Variants in ELN observed in about 807,000 individuals in gnomAD.
ELN encodes the protein tropoelastin.
ELN carries 65 observed loss-of-function variants against 105.8 expected under a neutral mutation model. The observed-to-expected ratio is 0.61, with a 90% CI of 0.50 to 0.75. The LOEUF (loss-of-function observed/expected upper bound fraction) is 0.75. ELN is among the 30% of genes least tolerant of loss of function. The pLI is 0.00. For synonymous variants in ELN, 368 were observed against 389.2 expected (o/e 0.95, Z 0.64); for missense variants, 882 against 969.4 (o/e 0.91, Z 1.20).
intron 1 of ELN, among the ~76,000 whole-genome samples, chr7:74,028,585 G>T (rs931142227): frequency 2.0e-5 from 3 of 152,190 alleles, no homozygotes; most frequent in Non-Finnish European, 4.4e-5. Flanking sequence ...AGAGCATCCT[G>T]GGGGAGGGCC....
intron 17 of ELN, chr7:74,052,383 G>C (rs1794231151): frequency 7.4e-6 from 2 of 268,616 alleles, no homozygotes; most frequent in Non-Finnish European, 1.5e-5. Flanking sequence ...AGGAGTTTGA[G>C]ACCAGCCTGA....
In ELN at chr7:74,042,618, C is replaced by G. The variant is rs1025483306; in HGVS notation, c.237C>G (p.Leu79=). The G allele has an allele frequency of 6.2e-7, 1 of 1,613,184 alleles. No homozygotes were observed. Among genetic ancestry groups the G allele is most frequent in the Non-Finnish European group, 8.5e-7 (1 of 1,179,988 alleles). The change falls in exon 6 of 33, where the codon CTC becomes CTG. Residue 79 remains leucine, a synonymous_variant. Coordinates refer to ENST00000252034, the MANE Select transcript of ELN (RefSeq NM_000501.4). The part of the protein sequence containing the change: ...GLAGAGLGAG[L]GAFPAVTFPG... ...ACCCCATCCTCCCCTCCGCAGGGCT[C>G]GGCGCCTTCCCCGCAGTTACCTTTC... is the stretch of plus-strand genomic sequence containing the variant.
At position 74,043,159 on chromosome 7, in the gene ELN, A is replaced by C. The variant is rs782142918; in HGVS notation, c.418A>C (p.Lys140Gln). The C allele has an allele frequency of 6.2e-7, 1 of 1,602,258 alleles. No homozygotes were observed. Among genetic ancestry groups the C allele is most frequent in the South Asian group, 1.1e-5 (1 of 89,740 alleles). The change falls in exon 8 of 33, where the codon AAA (lysine) becomes CAA (glutamine). Residue 140 changes from lysine to glutamine, a missense_variant. Transcript: ENST00000252034. ...PQPGAGVKPG[K>Q]VPGVGLPGVY... is the part of the protein sequence containing the mutation. ...GCCTGGAGCCGGAGTGAAGCCTGGG[A>C]AAGTGCCGGGTCAGTGCGGAATCCC...
rs1792440558 is a variant in ELN, at chr7:74,046,097, T to C, written c.542-91T>C. 23 of 1,553,680 alleles carry C rather than the reference T, an allele frequency of 1.5e-5. No individual in the cohort carries two copies. In the South Asian group the frequency reaches 2.0e-4, roughly 14 times the overall value. The stretch of plus-strand genomic sequence containing the variant: ...ATGCGATGACTGGTCTGGGAAGAAC[T>C]GGCCATTCCTTGGGCCTCCTGGCCC... On this transcript the variant is annotated intron_variant, in intron 10 of 32. Coordinates refer to ENST00000252034, the MANE Select transcript of ELN (RefSeq NM_000501.4).
At chr7:74,066,647 G>A in intron 31 of ELN, 85 bp from the exon 32 acceptor site, 5 of 1,341,172 alleles carry the variant, frequency 3.7e-6, no homozygotes, top group Non-Finnish European at 5.4e-6. Flanking sequence ...CAGAGGTCTT[G>A]GGTGAGCCAG....
chr7:74,061,204 TG>T, intron 26 of ELN, 65 bp downstream of exon 26: 1 of 1,604,920 alleles, frequency 6.2e-7, no homozygotes. Flanking sequence ...AGCACAGGAC[TG>T]GGGTGGTCAC....
chr7:74,037,846 C>A, intron 4 of ELN, 107 bp downstream of exon 4: 1 of 1,503,926 alleles, frequency 6.6e-7, no homozygotes, highest in Non-Finnish European at 9.1e-7. Flanking sequence ...GACAAGGAAG[C>A]CAACGGGCAG....
chr7:74,037,633 C>T (rs1222103661), intron 3 of ELN, 74 bp from the exon 4 acceptor site: 21 of 1,572,354 alleles, frequency 1.3e-5, no homozygotes, highest in South Asian at 3.5e-5. Context: ...ACACTTTGCC[C>T]GGGTTGGGGG....
intron 5 of ELN, among the ~76,000 whole-genome samples, chr7:74,041,775 G>A (rs1473022538): frequency 2.0e-5 from 3 of 152,048 alleles, no homozygotes; most frequent in Non-Finnish European, 2.9e-5. Flanking sequence ...CAGTGGCTCA[G>A]TCTCAGCTCC....
rs1797268929 is a variant in ELN, at chr7:74,063,791, C to G, written c.1993+96C>G. 6.5e-7 allele frequency: 1 copy of G among 1,543,576 alleles called. No individual in the cohort carries two copies. Among genetic ancestry groups the G allele is most frequent in the African/African-American group, 1.4e-5 (1 of 73,518 alleles). On this transcript the variant is annotated intron_variant, in intron 29 of 32. Coordinates refer to ENST00000252034, the MANE Select transcript of ELN (RefSeq NM_000501.4). This position sits in a 1 kb window ranked among gnomAD's most constrained non-coding sequence, Gnocchi z 4.1. ...GAGACAGAGACTTTCGTTCCCACCCCTGGCACGTCTTTGCTCAAGATGTCC... is the reference window on the plus strand; with the variant it reads ...GAGACAGAGACTTTCGTTCCCACCCGTGGCACGTCTTTGCTCAAGATGTCC...
At chr7:74,044,014 G>A (rs782237263) in intron 9 of ELN, 94 bp downstream of exon 9, 21 of 1,532,156 alleles carry the variant, frequency 1.4e-5, no homozygotes, top group East Asian at 2.3e-5. Context: ...GGGAGACTGA[G>A]GCAGGAGGAT....
intron 21 of ELN, 46 bp from the exon 22 acceptor site, chr7:74,057,594 G>A (rs782424842): frequency 4.3e-6 from 7 of 1,610,590 alleles, no homozygotes; most frequent in South Asian, 2.2e-5. Flanking sequence ...GAAGCAGGGA[G>A]GGGTGTGAGA....
chr7:74,063,553 C>T lies in ELN; in HGVS notation c.1919-68C>T. The T allele has an allele frequency of 2.5e-6, 4 of 1,612,610 alleles. No individual in the cohort carries two copies. Among genetic ancestry groups the T allele is most frequent in the Non-Finnish European group, 3.4e-6 (4 of 1,178,910 alleles). ...TGTGTCCCCAGAGGACACCTCCGCC[C>T]TCCACAGGCCGAGGCTTCAGTCCCA... On this transcript the variant is annotated intron_variant, in intron 28 of 32. Coordinates refer to ENST00000252034, the MANE Select transcript of ELN (RefSeq NM_000501.4). This position sits in a 1 kb window ranked among gnomAD's most constrained non-coding sequence, Gnocchi z 4.1.
At chr7:74,044,768 G>T (rs1792069750) in intron 9 of ELN, among the ~76,000 whole-genome samples, 1 of 152,246 alleles carries the variant, frequency 6.6e-6, no homozygotes, top group Non-Finnish European at 1.5e-5. Context: ...AGCCCCAGGG[G>T]AGACAGGAGA....
chr7:74,049,312 A>T (rs1793341042), intron 15 of ELN, among the ~76,000 whole-genome samples: 1 of 145,644 alleles, frequency 6.9e-6, no homozygotes, highest in East Asian at 2.1e-4. Flanking sequence ...CCCTCCATCC[A>T]TTCTTCCATC....
intron 1 of ELN, among the ~76,000 whole-genome samples, chr7:74,030,884 C>T (rs551197830): frequency 5.9e-5 from 9 of 152,240 alleles, no homozygotes; most frequent in African/African-American, 9.6e-5. Flanking sequence ...GTTTAGAGGT[C>T]GATCCCGCTC....
intron 3 of ELN, 100 bp downstream of exon 3, chr7:74,036,684 C>T: frequency 2.6e-6 from 4 of 1,518,976 alleles, no homozygotes; most frequent in Admixed American, 3.4e-5. Flanking sequence ...ACCCGAGCAT[C>T]AAGGACTCCC....
At chr7:74,057,502 G>T in intron 21 of ELN, 138 bp from the exon 22 acceptor site, 1 of 1,591,948 alleles carries the variant, frequency 6.3e-7, no homozygotes, top group Non-Finnish European at 8.6e-7. Context: ...GATGGGTTTG[G>T]TTTGTCTCAT....
chr7:74,057,715 C>T lies in ELN; in HGVS notation c.1414+19C>T, dbSNP rs201440090. On this transcript the variant is annotated intron_variant, in intron 22 of 32. Coordinates refer to ENST00000252034, the MANE Select transcript of ELN (RefSeq NM_000501.4). ...CAGTTTGGTAAGTCCCCCTCACCCC[C>T]GCCACTGGCTCACGGAGAACTGCTT... The T allele has an allele frequency of 1.4e-4, 227 of 1,612,718 alleles. No homozygotes were observed. Among genetic ancestry groups the T allele is most frequent in the African/African-American group, 1.3e-4 (10 of 75,018 alleles).
Sources: gnomAD v4.1 joint callset for allele counts (sites outside exome capture counted in the v4.1 genomes callset) on GRCh38, gnomAD v4.1.1 for gene constraint, Gnocchi (gnomAD v3.1) non-coding constraint, MANE v1.5 for transcripts, NCBI Gene and HGNC (gene_info 2026-07-23, HGNC 2026-07-21) for gene names.